AFF1: variants seen among roughly 807,000 people sequenced by gnomAD.
AFF1 encodes the protein ALF transcription elongation factor 1, also known as AF4/FMR2 family member 1.
In AFF1, 48 loss-of-function variants were observed where a neutral mutation model predicts 121.7. That is an observed-to-expected ratio of 0.39 (90% CI 0.31 to 0.50). AFF1 has a LOEUF of 0.50. AFF1 is among the 20% of genes least tolerant of loss of function. The pLI is 0.76. For missense variants in AFF1, 1,523 were observed against 1,511.7 expected, an observed-to-expected ratio of 1.01 and a Z score of -0.12; for synonymous variants, 613 against 563.0, an observed-to-expected ratio of 1.09 and a Z score of -1.26.
At chr4:87,004,221 C>T (rs1725921534) in intron 2 of AFF1, among the ~76,000 whole-genome samples, 1 of 152,094 alleles carries the variant, frequency 6.6e-6, no homozygotes, top group African/African-American at 2.4e-5. Context: ...TATATAACAC[C>T]TTTAATTAAA....
chr4:87,127,732 A>G (rs754866003), intron 16 of AFF1, 29 bp downstream of exon 16: 42 of 1,611,026 alleles, frequency 2.6e-5, no homozygotes, highest in South Asian at 4.4e-5. Context: ...TCTCTTTGGT[A>G]GAATGTTTTC....
intron 1 of AFF1, among the ~76,000 whole-genome samples, chr4:86,942,509 G>T (rs1477310644): frequency 6.6e-6 from 1 of 152,172 alleles, no homozygotes; most frequent in East Asian, 1.9e-4. Context: ...AGCCATTCCT[G>T]TTTGTTCTTG....
chr4:86,972,182 G>A (rs1489129596), intron 2 of AFF1, among the ~76,000 whole-genome samples: 1 of 148,808 alleles, frequency 6.7e-6, no homozygotes, highest in African/African-American at 2.5e-5. Context: ...AGAAAAGCAG[G>A]CATTTTATGC....
intron 11 of AFF1, among the ~76,000 whole-genome samples, chr4:87,111,970 G>T (rs1726585601): frequency 6.6e-6 from 1 of 152,180 alleles, no homozygotes; most frequent in Non-Finnish European, 1.5e-5. Flanking sequence ...TATTTATACT[G>T]GGAATGACTT....
intron 2 of AFF1, among the ~76,000 whole-genome samples, chr4:87,021,126 A>G (rs896632020): frequency 1.3e-5 from 2 of 152,116 alleles, no homozygotes; most frequent in South Asian, 4.1e-4. Flanking sequence ...CACTCTCAGA[A>G]TTTTTGTGGC....
At chr4:87,120,304 TCC>T (rs1186788494) in intron 12 of AFF1, among the ~76,000 whole-genome samples, 1 of 152,210 alleles carries the variant, frequency 6.6e-6, no homozygotes, top group East Asian at 1.9e-4. Flanking sequence ...CACAGGGAAG[TCC>T]CTGAATTTCC....
chr4:87,105,456 T>C (rs1286346623), intron 8 of AFF1, among the ~76,000 whole-genome samples, 172 bp from the exon 9 acceptor site: 1 of 152,244 alleles, frequency 6.6e-6, no homozygotes, highest in Non-Finnish European at 1.5e-5. Flanking sequence ...ACATTGTAAT[T>C]GTATAATTGT....
intron 2 of AFF1, among the ~76,000 whole-genome samples, chr4:87,000,028 G>T (rs1578027837): frequency 6.6e-6 from 1 of 152,284 alleles, no homozygotes; most frequent in Non-Finnish European, 1.5e-5. Flanking sequence ...ACCTGAAGGG[G>T]CTCCCAGTGG....
intron 11 of AFF1, among the ~76,000 whole-genome samples, chr4:87,113,044 A>G (rs961619154): frequency 6.6e-6 from 1 of 152,222 alleles, no homozygotes; most frequent in Non-Finnish European, 1.5e-5. Flanking sequence ...TGGAGACACA[A>G]GAGTCTCCGT....
intron 8 of AFF1, 98 bp downstream of exon 8, chr4:87,095,067 A>G: frequency 8.6e-7 from 1 of 1,168,278 alleles, no homozygotes; most frequent in South Asian, 1.3e-5. Flanking sequence ...TTATGTAATG[A>G]CATTAATAAG....
chr4:87,053,434 G>C (rs1731459381), intron 4 of AFF1, among the ~76,000 whole-genome samples: 1 of 152,196 alleles, frequency 6.6e-6, no homozygotes, highest in Admixed American at 6.5e-5. Context: ...GTGGAAAACT[G>C]TGTGATAGTG....
Position 87,046,267 on chromosome 4 carries a change from T to G in AFF1, c.140T>G (p.Leu47Arg), listed in dbSNP as rs756277114. The G allele has an allele frequency of 1.2e-6, 2 of 1,613,424 alleles. No homozygotes were observed. Among genetic ancestry groups the G allele is most frequent in the African/African-American group, 2.7e-5 (2 of 74,842 alleles). The change falls in exon 3 of 21, where the codon CTT becomes CGT. Residue 47 changes from leucine (L) to arginine (R), a missense_variant. Coordinates refer to ENST00000395146, the MANE Select transcript of AFF1 (RefSeq NM_001166693.3). ...EKEAFPEKIP[L>R]FGEPYKTAKG... ...GAGGCATTTCCTGAAAAGATTCCCC[T>G]TTTTGGAGAGCCCTACAAGGTATTT... is the stretch of plus-strand genomic sequence containing the variant.
At chr4:87,114,273 T>C (rs1726843562) in intron 11 of AFF1, 94 bp from the exon 12 acceptor site, 15 of 1,158,548 alleles carry the variant, frequency 1.3e-5, no homozygotes, top group Non-Finnish European at 1.8e-5. Flanking sequence ...TTTGCTCCTC[T>C]GCAGGACAGT....
At chr4:86,956,871 A>G (rs1268659553) in intron 2 of AFF1, among the ~76,000 whole-genome samples, 1 of 152,012 alleles carries the variant, frequency 6.6e-6, no homozygotes, top group Non-Finnish European at 1.5e-5. Context: ...AATGTTCCAC[A>G]TATGTTTTTA....
intron 4 of AFF1, chr4:87,047,815 G>C (rs1730872195): frequency 2.9e-6 from 2 of 693,620 alleles, no homozygotes; most frequent in Non-Finnish European, 5.0e-6. Flanking sequence ...AAGGTTTAGA[G>C]AACCTTTTTA....
intron 2 of AFF1, chr4:87,006,966 G>A: frequency 2.9e-6 from 3 of 1,042,510 alleles, no homozygotes; most frequent in Non-Finnish European, 3.5e-6. Context: ...GGCGGACTCG[G>A]ACAACTTCAA....
chr4:87,039,719 T>C (rs1396782476), intron 2 of AFF1, among the ~76,000 whole-genome samples: 1 of 152,090 alleles, frequency 6.6e-6, no homozygotes, highest in African/African-American at 2.4e-5. Context: ...TGGTGGACAG[T>C]AGTATATGAT....
At chr4:87,065,841 A>G (rs1721299920) in intron 4 of AFF1, among the ~76,000 whole-genome samples, 1 of 152,178 alleles carries the variant, frequency 6.6e-6, no homozygotes, top group Non-Finnish European at 1.5e-5. Context: ...GCCCCTTAAT[A>G]AATGTTTTTG....
chr4:87,038,579 T>C (rs1484119881), intron 2 of AFF1, among the ~76,000 whole-genome samples: 1 of 152,192 alleles, frequency 6.6e-6, no homozygotes, highest in Non-Finnish European at 1.5e-5. Flanking sequence ...TTACATGGTG[T>C]GGAAGAACCC....
Sources: gnomAD v4.1 joint callset for allele counts (sites outside exome capture counted in the v4.1 genomes callset) on GRCh38, gnomAD v4.1.1 for gene constraint, MANE v1.5 for transcripts, NCBI Gene and HGNC (gene_info 2026-07-23, HGNC 2026-07-21) for gene names.